GIPC2: variants seen among roughly 807,000 people sequenced by gnomAD.
The protein encoded by GIPC2 is GIPC PDZ domain containing family member 2, also known as PDZ domain-containing protein GIPC2.
In GIPC2, 30 loss-of-function variants were observed where a neutral mutation model predicts 30.6. That is an observed-to-expected ratio of 0.98 (90% CI 0.73 to 1.33). GIPC2 has a LOEUF of 1.33. Ranked by LOEUF, GIPC2 falls within the 40% of genes most tolerant of loss-of-function variation. The pLI is 0.00. For synonymous variants in GIPC2, 167 were observed against 150.0 expected (o/e 1.11, Z -0.83); for missense variants, 414 against 390.3 (o/e 1.06, Z -0.51).
At chr1:78,050,861 C>G (rs1464639234) in intron 1 of GIPC2, among the ~76,000 whole-genome samples, 1 of 152,070 alleles carries the variant, frequency 6.6e-6, no homozygotes, top group Non-Finnish European at 1.5e-5. Context: ...GTCTCGATCT[C>G]CTGACCTTGT....
chr1:78,110,385 A>G (rs1035091775), intron 3 of GIPC2, among the ~76,000 whole-genome samples: 3 of 152,220 alleles, frequency 2.0e-5, no homozygotes, highest in African/African-American at 7.2e-5. Context: ...AAATCACCCA[A>G]TATTTAAAAG....
chr1:78,114,716 A>G (rs1451813735), intron 3 of GIPC2, among the ~76,000 whole-genome samples: 3 of 152,208 alleles, frequency 2.0e-5, no homozygotes, highest in Non-Finnish European at 1.5e-5. Flanking sequence ...TAATGCTACA[A>G]TGGTGGATAT....
intron 1 of GIPC2, among the ~76,000 whole-genome samples, chr1:78,060,206 G>A (rs1028572316): frequency 6.6e-6 from 1 of 151,086 alleles, no homozygotes; most frequent in Non-Finnish European, 1.5e-5. Flanking sequence ...GAGACCCACA[G>A]TGATCATCAC....
intron 1 of GIPC2, among the ~76,000 whole-genome samples, chr1:78,057,744 T>C (rs1251065278): frequency 6.6e-6 from 1 of 152,222 alleles, no homozygotes; most frequent in Admixed American, 6.5e-5. Context: ...AGAAAACTTA[T>C]TGGTTATTGG....
At chr1:78,047,472 G>A (rs1178773717) in intron 1 of GIPC2, among the ~76,000 whole-genome samples, 3 of 151,916 alleles carry the variant, frequency 2.0e-5, no homozygotes, top group Admixed American at 2.0e-4. Flanking sequence ...ACCCATCTGT[G>A]AATTATTTGT....
intron 3 of GIPC2, among the ~76,000 whole-genome samples, chr1:78,105,747 A>G (rs1465653789): frequency 5.9e-5 from 9 of 152,204 alleles, no homozygotes; most frequent in Admixed American, 4.6e-4. Context: ...TCTAATCTGA[A>G]TAGTATGACT....
intron 5 of GIPC2, among the ~76,000 whole-genome samples, chr1:78,131,796 G>A (rs1262759866): frequency 6.6e-6 from 1 of 152,186 alleles, no homozygotes; most frequent in Non-Finnish European, 1.5e-5. Flanking sequence ...TTATGTATTA[G>A]GAAAAATATA....
At chr1:78,132,664 G>GATGTGTGTGT (rs1553146031) in intron 5 of GIPC2, among the ~76,000 whole-genome samples, 2 of 38,802 alleles carry the variant, frequency 5.2e-5, no homozygotes, top group East Asian at 1.6e-3. Context: ...TATAGCCAAG[G>GATGTGTGTGT]ATGTGTGTGT....
At chr1:78,128,859 G>T (rs768073028) in intron 5 of GIPC2, among the ~76,000 whole-genome samples, 14 of 152,012 alleles carry the variant, frequency 9.2e-5, no homozygotes, top group East Asian at 7.8e-4. Flanking sequence ...AAAAAAATTA[G>T]CCAGGCATGG....
chr1:78,109,939 A>G (rs1662431251), intron 3 of GIPC2, among the ~76,000 whole-genome samples: 6 of 152,288 alleles, frequency 3.9e-5, no homozygotes, highest in Admixed American at 3.9e-4. Flanking sequence ...TCGCAAGGAC[A>G]AAACACCAAA....
At chr1:78,103,722 A>G (rs1289177341) in intron 3 of GIPC2, among the ~76,000 whole-genome samples, 2 of 152,194 alleles carry the variant, frequency 1.3e-5, no homozygotes, top group Non-Finnish European at 2.9e-5. Flanking sequence ...TAAAGAGTGA[A>G]GTTTATCTGA....
chr1:78,064,864 C>T (rs1661473481), intron 1 of GIPC2, among the ~76,000 whole-genome samples: 1 of 151,622 alleles, frequency 6.6e-6, no homozygotes, highest in African/African-American at 2.4e-5. Flanking sequence ...TTGCCTCAGC[C>T]TCCCAAGCAG....
intron 1 of GIPC2, among the ~76,000 whole-genome samples, chr1:78,076,236 G>A (rs760724421): frequency 6.6e-4 from 100 of 152,264 alleles, no homozygotes; most frequent in Non-Finnish European, 1.2e-3. Flanking sequence ...AAAATTAGGG[G>A]GAAAGGGAAT....
In GIPC2 at chr1:78,085,861, A is replaced by G. The variant is rs1045678958; in HGVS notation, c.426+5001A>G. On this transcript the variant is annotated intron_variant, in intron 2 of 5. Coordinates refer to ENST00000370759, the MANE Select transcript of GIPC2 (RefSeq NM_017655.6). ...CCTGTCTATCTAACTAATTTTTTTC[A>G]TAAAACCAACTCCTGGATCTATTGA... Among the ~76,000 whole-genome samples the G allele has an allele frequency of 8.2e-5, 12 of 145,986 alleles. No homozygotes were observed. The East Asian group carries it at 2.0e-3, about 24-fold the overall frequency.
At chr1:78,078,813 G>A (rs113053494) in intron 1 of GIPC2, among the ~76,000 whole-genome samples, 1 of 138,418 alleles carries the variant, frequency 7.2e-6, no homozygotes, top group African/African-American at 2.7e-5. Flanking sequence ...GGGACCCACT[G>A]TGAATACCAT....
chr1:78,097,537 G>A (rs992376246), intron 3 of GIPC2, among the ~76,000 whole-genome samples: 5 of 152,196 alleles, frequency 3.3e-5, no homozygotes, highest in African/African-American at 1.2e-4. Flanking sequence ...TTGCAATGGC[G>A]TAACTAGGAC....
At chr1:78,084,877 C>T (rs975451536) in intron 2 of GIPC2, among the ~76,000 whole-genome samples, 4 of 152,154 alleles carry the variant, frequency 2.6e-5, no homozygotes, top group Non-Finnish European at 5.9e-5. Flanking sequence ...ATCATGTCAT[C>T]TGCAAACAGA....
At chr1:78,119,328 C>T (rs1662634316) in intron 3 of GIPC2, 65 bp from the exon 4 acceptor site, 2 of 870,826 alleles carry the variant, frequency 2.3e-6, no homozygotes, top group Non-Finnish European at 3.8e-6. Flanking sequence ...CTACATTAGC[C>T]TTCACAGTAA....
intron 1 of GIPC2, among the ~76,000 whole-genome samples, chr1:78,080,163 A>G (rs1387099907): frequency 1.3e-5 from 2 of 152,184 alleles, no homozygotes; most frequent in African/African-American, 4.8e-5. Context: ...CAACTTTCAA[A>G]TATAGGCTTG....
Sources: gnomAD v4.1 joint callset for allele counts (sites outside exome capture counted in the v4.1 genomes callset) on GRCh38, gnomAD v4.1.1 for gene constraint, MANE v1.5 for transcripts, NCBI Gene and HGNC (gene_info 2026-07-23, HGNC 2026-07-21) for gene names.